Variants in SCAP observed in about 807,000 individuals in gnomAD.
SCAP encodes the protein sterol regulatory element-binding protein cleavage-activating protein.
Under a neutral mutation model 123.6 loss-of-function variants are expected in SCAP, and 65 were observed. The observed-to-expected ratio is 0.53, with a 90% CI of 0.43 to 0.65. The LOEUF is 0.65. Ranked by LOEUF, SCAP falls within the 30% of genes least tolerant of loss-of-function variation. The pLI is 0.00. For synonymous variants in SCAP, 740 were observed against 726.3 expected, an observed-to-expected ratio of 1.02 and a Z score of -0.30; for missense variants, 1,398 against 1,712.5, an observed-to-expected ratio of 0.82 and a Z score of 3.24.
chr3:47,428,778 TAAAG>T (rs1706245595), intron 3 of SCAP, 108 bp from the exon 4 acceptor site: 10 of 1,227,914 alleles, frequency 8.1e-6, no homozygotes, highest in African/African-American at 3.0e-5. Flanking sequence ...CCCACAGAGT[TAAAG>T]AAACCAATGA....
intron 2 of SCAP, among the ~76,000 whole-genome samples, chr3:47,437,657 C>T (rs1442315983): frequency 2.0e-5 from 3 of 151,762 alleles, no homozygotes; most frequent in Non-Finnish European, 4.4e-5. Flanking sequence ...GTGGGAGGAT[C>T]GCTTGAGCCG....
Position 47,418,114 on chromosome 3 carries a change from G to A in SCAP, c.2447+20C>T. On this transcript the variant is annotated intron_variant, in intron 16 of 22. Transcript: ENST00000265565. ...GGGGGGTTGTGGGGGCACAAAGGAG[G>A]AAAGGGCAGCCGCACCTACCCTGGG... 6.5e-7 allele frequency: 1 copy of A among 1,537,528 alleles called. No homozygotes were observed. The highest frequency in any genetic ancestry group is 8.8e-7 in the Non-Finnish European group (1 of 1,137,398).
rs763603487 is a variant in SCAP at position 47,417,692 on chromosome 3, G to A, written c.2582C>T (p.Pro861Leu). The change falls in exon 17 of 23, where the codon CCT (proline) becomes CTT (leucine). Residue 861 changes from proline to leucine, a missense_variant. Physicochemically the swap from Pro to Leu is moderately conservative, Grantham distance 98. This residue lies in a region of SCAP where 828 missense variants were observed against 882.5 expected (regional missense o/e 0.94). Coordinates refer to ENST00000265565, the MANE Select transcript of SCAP (RefSeq NM_012235.4). ...GTCCCCGAAGAGGGAAGGCGGCGGA[G>A]GGCCCCGGGGGCGGTGTCTCAGGGG... ...SPPLRHRPRG[P>L]PPPSLFGDQP... The A allele has an allele frequency of 1.2e-6, 2 of 1,607,946 alleles. No homozygotes were observed. Among genetic ancestry groups the A allele is most frequent in the Non-Finnish European group, 1.7e-6 (2 of 1,178,436 alleles).
In SCAP at chr3:47,414,288, A is replaced by G; in HGVS notation, c.3486T>C (p.Asp1162=). Residue 1162 remains aspartate, a synonymous_variant, in exon 22 of 23, where the codon GAT becomes GAC. Transcript: ENST00000265565. ...AGGTGGTACAGGTAAGGGAGGTGAC[A>G]TCCCCACGGTGAGCAAACACATGGC... ...RVSHVFAHRG[D]VTSLTCTTSC... is the part of the protein sequence containing the mutation. 6.2e-7 allele frequency: 1 copy of G among 1,613,416 alleles called. No individual in the cohort carries two copies. Among genetic ancestry groups the G allele is most frequent in the Non-Finnish European group, 8.5e-7 (1 of 1,180,026 alleles).
At chr3:47,454,357 G>T (rs1170522439) in intron 1 of SCAP, among the ~76,000 whole-genome samples, 1 of 151,448 alleles carries the variant, frequency 6.6e-6, no homozygotes, top group Non-Finnish European at 1.5e-5. Context: ...GAAAGAGTGA[G>T]ACTCCGTCAC....
intron 16 of SCAP, 62 bp from the exon 17 acceptor site, chr3:47,417,888 GA>G (rs1705680700): frequency 1.4e-5 from 4 of 278,334 alleles, no homozygotes; most frequent in Admixed American, 6.8e-5. Context: ...GGGGGCGGGG[GA>G]CGGGGGTGAG....
In SCAP at chr3:47,443,092, C is replaced by G; in HGVS notation, c.-98-1G>C. On this transcript the variant is annotated splice_acceptor_variant, in intron 1 of 22. Coordinates refer to ENST00000265565, the MANE Select transcript of SCAP (RefSeq NM_012235.4). LOFTEE classifies it low-confidence loss of function (5UTR_SPLICE). Reference sequence around the variant, plus strand: ...GACAAAGAACAACATGTGCAGGTACCTGGTAAGAAGGGAGAAAAGCCAGTT... The same window carrying G: ...GACAAAGAACAACATGTGCAGGTACGTGGTAAGAAGGGAGAAAAGCCAGTT... 1 of 1,569,390 alleles carries G rather than the reference C, an allele frequency of 6.4e-7. No individual in the cohort carries two copies. The highest frequency in any genetic ancestry group is 8.6e-7 in the Non-Finnish European group (1 of 1,157,000).
intron 1 of SCAP, among the ~76,000 whole-genome samples, chr3:47,454,418 C>T: frequency 6.6e-6 from 1 of 151,866 alleles, no homozygotes; most frequent in South Asian, 2.1e-4. Flanking sequence ...CGTTGATTTA[C>T]ATACATACAT....
upstream of SCAP, among the ~76,000 whole-genome samples, chr3:47,476,496 A>AT: frequency 6.6e-6 from 1 of 152,316 alleles, no homozygotes; most frequent in Non-Finnish European, 1.5e-5. Flanking sequence ...GCCGAGATAC[A>AT]CTGCAAATGC....
rs776778325 is a variant in SCAP at position 47,427,624 on chromosome 3, C to G, written c.454G>C (p.Asp152His). 21 of 1,613,986 alleles carry G rather than the reference C, an allele frequency of 1.3e-5. No individual in the cohort carries two copies. The highest frequency in any genetic ancestry group is 1.7e-5 in the Non-Finnish European group (20 of 1,180,026). Residue 152 changes from aspartate (D) to histidine (H), a missense_variant, in exon 5 of 23, where the codon GAC becomes CAC. By Grantham distance (81) the Asp-to-His change is moderately conservative (BLOSUM62 -1). Transcript: ENST00000265565. ...AGCTTCCTAAGGCCTGGCAGCAGGTCGGTCACTTGCAGACACAACTCCTCC... is the reference window on the plus strand; with the variant it reads ...AGCTTCCTAAGGCCTGGCAGCAGGTGGGTCACTTGCAGACACAACTCCTCC... ...SLEELCLQVT[D>H]LLPGLRKLRN...
intron 13 of SCAP, 25 bp from the exon 14 acceptor site, chr3:47,418,868 C>T (rs2107778046): frequency 6.7e-7 from 1 of 1,495,888 alleles, no homozygotes; most frequent in East Asian, 2.3e-5. Flanking sequence ...TGGGCAGCCT[C>T]AGCGGGGGGC....
intron 9 of SCAP, 70 bp from the exon 10 acceptor site, chr3:47,422,606 G>A (rs1450203818): frequency 1.5e-6 from 2 of 1,310,906 alleles, no homozygotes; most frequent in East Asian, 2.5e-5. Flanking sequence ...ACAACCTCAT[G>A]GGCCTCGGAG....
intron 3 of SCAP, chr3:47,428,890 C>T: frequency 6.2e-6 from 3 of 486,210 alleles, no homozygotes; most frequent in Non-Finnish European, 1.1e-5. Flanking sequence ...AAAGAACTGG[C>T]TGAAATAAGC....
At chr3:47,417,040 G>T in intron 18 of SCAP, 82 bp downstream of exon 18, 1 of 1,256,628 alleles carries the variant, frequency 8.0e-7, no homozygotes, top group South Asian at 1.3e-5. Context: ...CAGTTGAAGA[G>T]AACCAGAACT....
chr3:47,415,264 C>A, intron 18 of SCAP, 84 bp from the exon 19 acceptor site: 1 of 1,297,884 alleles, frequency 7.7e-7, no homozygotes, highest in South Asian at 1.5e-5. Flanking sequence ...GAGTTAAGGG[C>A]CAGTTCAAGA....
rs561991763 is a variant in SCAP at position 47,428,621 on chromosome 3, G to A, written c.302C>T (p.Ser101Leu). The change falls in exon 4 of 23, where the codon TCA (serine) becomes TTA (leucine). Residue 101 changes from serine (S) to leucine (L), a missense_variant. Coordinates refer to ENST00000265565, the MANE Select transcript of SCAP (RefSeq NM_012235.4). ...AYVQQIFVKS[S>L]VFPWHKNLLA... Reference sequence around the variant, plus strand: ...GAGGTTCTTGTGCCAGGGAAACACTGAGGACTTCACAAATATCTGCTGGAC... The same window carrying A: ...GAGGTTCTTGTGCCAGGGAAACACTAAGGACTTCACAAATATCTGCTGGAC... 6.2e-7 allele frequency: 1 copy of A among 1,614,158 alleles called. No individual in the cohort carries two copies. Among genetic ancestry groups the A allele is most frequent in the Admixed American group, 1.7e-5 (1 of 60,026 alleles).
At chr3:47,418,588 C>T (rs1705747840) in intron 14 of SCAP, 66 bp from the exon 15 acceptor site, 3 of 1,552,622 alleles carry the variant, frequency 1.9e-6, no homozygotes, top group East Asian at 2.4e-5. Context: ...CCTCCCTCTC[C>T]CCTACTCTTG....
At chr3:47,428,281 G>A (rs1040494721) in intron 4 of SCAP, among the ~76,000 whole-genome samples, 16 of 152,182 alleles carry the variant, frequency 1.1e-4, no homozygotes, top group Non-Finnish European at 2.2e-4. Context: ...CATCTGAGAT[G>A]TAAGGATGAG....
Position 47,427,106 on chromosome 3 carries a change from C to T in SCAP, c.737+51G>A, listed in dbSNP as rs1706166124. ...AACCAGAAGAGGGACTACTCAAAGC[C>T]TCATGTCACCCAGCAGACCAGTCAA... is the stretch of plus-strand genomic sequence containing the variant. On this transcript the variant is annotated intron_variant, in intron 6 of 22. Coordinates refer to ENST00000265565, the MANE Select transcript of SCAP (RefSeq NM_012235.4). 5.2e-6 allele frequency: 7 copies of T among 1,350,356 alleles called. No individual in the cohort carries two copies. The East Asian group carries it at 1.1e-4, about 22-fold the overall frequency. 83.6% of individuals were successfully genotyped at this position (1,350,356 alleles called of 1,614,324 possible).
Sources: gnomAD v4.1 joint callset for allele counts (sites outside exome capture counted in the v4.1 genomes callset) on GRCh38, gnomAD v4.1.1 for gene constraint, gnomAD v4.1.1 regional missense constraint, MANE v1.5 for transcripts, NCBI Gene and HGNC (gene_info 2026-07-23, HGNC 2026-07-21) for gene names.